The following ALDH1L2 variants were observed in gnomAD, a reference collection of about 807,000 sequenced individuals.
ALDH1L2 encodes the protein aldehyde dehydrogenase 1 family member L2, also known as mitochondrial 10-formyltetrahydrofolate dehydrogenase.
In ALDH1L2, 91 loss-of-function variants were observed where a neutral mutation model predicts 111.0. The ratio of observed to expected loss-of-function variants is 0.82; its 90% CI spans 0.69 to 0.98. The LOEUF (loss-of-function observed/expected upper bound fraction) is 0.98. Among genes scored for constraint, ALDH1L2 ranks in the 50% least tolerant of loss-of-function variants. The pLI is 0.00. For missense variants in ALDH1L2, 995 were observed against 1,126.8 expected (o/e 0.88, Z 1.67); for synonymous variants, 374 against 392.6 (o/e 0.95, Z 0.56).
At chr12:105,082,655 G>A (rs1240481685) in intron 1 of ALDH1L2, among the ~76,000 whole-genome samples, 1 of 152,166 alleles carries the variant, frequency 6.6e-6, no homozygotes, top group African/African-American at 2.4e-5. Flanking sequence ...AAAACCTCTA[G>A]AAACATCAAT....
chr12:105,031,744 T>C (rs758164814), intron 20 of ALDH1L2, 25 bp downstream of exon 20: 50 of 1,606,460 alleles, frequency 3.1e-5, no homozygotes, highest in Non-Finnish European at 4.1e-5. Context: ...GGGCACCCGG[T>C]AAACCCCCAC....
intron 1 of ALDH1L2, among the ~76,000 whole-genome samples, chr12:105,077,225 T>C (rs538788193): frequency 6.6e-6 from 1 of 152,300 alleles, no homozygotes; most frequent in South Asian, 2.1e-4. Context: ...CACACAGTCA[T>C]TTCCAAATCT....
Position 105,024,397 on chromosome 12 carries a change from C to T in ALDH1L2, c.*27G>A. ...TCCAGAGTTGTAAAGGGCTGTCTGT[C>T]AAGGCTTTCCTGATGATGGTGTTGC... On this transcript the variant is annotated 3_prime_UTR_variant, in exon 23 of 23. Coordinates refer to ENST00000258494, the MANE Select transcript of ALDH1L2 (RefSeq NM_001034173.4). 6.2e-7 allele frequency: 1 copy of T among 1,613,162 alleles called. No homozygotes were observed. Among genetic ancestry groups the T allele is most frequent in the Non-Finnish European group, 8.5e-7 (1 of 1,179,352 alleles).
At chr12:105,080,403 A>C (rs1366407555) in intron 1 of ALDH1L2, among the ~76,000 whole-genome samples, 3 of 152,096 alleles carry the variant, frequency 2.0e-5, no homozygotes, top group African/African-American at 7.2e-5. Flanking sequence ...TTGGTATATC[A>C]TTTTAGTTAG....
In ALDH1L2 at chr12:105,037,210, A is replaced by AT. The variant is rs56917349; in HGVS notation, c.2145+892dup. Among the ~76,000 whole-genome samples the AT allele has an allele frequency of 2.6e-5, 4 of 152,006 alleles. No homozygotes were observed. The East Asian group carries it at 5.8e-4, about 22-fold the overall frequency. The stretch of plus-strand genomic sequence containing the variant: ...GATGTGAAGAATGAGAACTAGGCCA[A>AT]TTTTTTTTAACCTTTACATTTTATT... On this transcript the variant is annotated intron_variant, in intron 18 of 22. Coordinates refer to ENST00000258494, the MANE Select transcript of ALDH1L2 (RefSeq NM_001034173.4).
At position 105,061,617 on chromosome 12, in the gene ALDH1L2, A is replaced by G. The variant is rs762280847; in HGVS notation, c.1047+10T>C. On this transcript the variant is annotated intron_variant, in intron 8 of 22. Coordinates refer to ENST00000258494, the MANE Select transcript of ALDH1L2 (RefSeq NM_001034173.4). The stretch of plus-strand genomic sequence containing the variant: ...AGGTAACAGTAAGATTTAAGTCATC[A>G]TGTGTTCACCTTGATGGTCTCTGCC... The G allele has an allele frequency of 1.2e-5, 20 of 1,614,000 alleles. No homozygotes were observed. Among genetic ancestry groups the G allele is most frequent in the South Asian group, 2.2e-5 (2 of 91,038 alleles).
intron 18 of ALDH1L2, among the ~76,000 whole-genome samples, chr12:105,035,472 A>ACCAC (rs1366893101): frequency 5.3e-5 from 8 of 151,556 alleles, no homozygotes; most frequent in Middle Eastern, 3.4e-3. Context: ...ACAGGTGAAC[A>ACCAC]CCACCCTGGG....
At chr12:105,068,187 A>G (rs1877487312) in intron 4 of ALDH1L2, among the ~76,000 whole-genome samples, 1 of 152,084 alleles carries the variant, frequency 6.6e-6, no homozygotes, top group East Asian at 1.9e-4. Flanking sequence ...AAATTAAATG[A>G]CATCAAAATT....
chr12:105,068,639 T>C (rs1877510222), intron 4 of ALDH1L2, 80 bp downstream of exon 4: 1 of 1,251,544 alleles, frequency 8.0e-7, no homozygotes, highest in African/African-American at 1.6e-5. Flanking sequence ...AAAATTCATA[T>C]GGATAATTTC....
chr12:105,060,208 ATAAT>A (rs1268335680), intron 9 of ALDH1L2, among the ~76,000 whole-genome samples: 1 of 152,184 alleles, frequency 6.6e-6, no homozygotes, highest in African/African-American at 2.4e-5. Flanking sequence ...GGGGGAAAGC[ATAAT>A]TAATATCAGG....
At chr12:105,083,712 G>A (rs1423984910) in intron 1 of ALDH1L2, among the ~76,000 whole-genome samples, 1 of 151,818 alleles carries the variant, frequency 6.6e-6, no homozygotes, top group Non-Finnish European at 1.5e-5. Context: ...GTCCTCTCTC[G>A]GTTCCATTTC....
At chr12:105,072,653 G>A (rs1338710540) in intron 2 of ALDH1L2, 1 of 152,206 alleles carries the variant, frequency 6.6e-6, no homozygotes, top group Non-Finnish European at 1.5e-5. Context: ...ATGGGGTGGA[G>A]GAAACTTAGA....
At chr12:105,061,195 G>C in intron 8 of ALDH1L2, 123 bp from the exon 9 acceptor site, 1 of 825,586 alleles carries the variant, frequency 1.2e-6, no homozygotes, top group South Asian at 1.6e-5. Flanking sequence ...CATACAGCTG[G>C]ATCACATTTC....
intron 13 of ALDH1L2, chr12:105,049,607 C>T (rs1444213289): frequency 5.2e-6 from 1 of 193,372 alleles, no homozygotes; most frequent in Non-Finnish European, 1.1e-5. Flanking sequence ...CAGGTGAGGA[C>T]ACACCGTTCC....
At chr12:105,025,891 A>T (rs1874383584) in intron 22 of ALDH1L2, among the ~76,000 whole-genome samples, 1 of 152,190 alleles carries the variant, frequency 6.6e-6, no homozygotes, top group Non-Finnish European at 1.5e-5. Flanking sequence ...TAATAAGATA[A>T]TAATAGTACC....
intron 1 of ALDH1L2, among the ~76,000 whole-genome samples, chr12:105,083,470 G>A (rs1197231229): frequency 6.6e-6 from 1 of 152,114 alleles, no homozygotes; most frequent in Non-Finnish European, 1.5e-5. Context: ...CCAGTTTTTG[G>A]TGCTACTCAA....
Position 105,070,791 on chromosome 12 carries a change from C to G in ALDH1L2, c.207G>C (p.Glu69Asp). ...GCTTGAACACAGGGGTCCCATCTTT[C>G]TCTGCAGCCAAAGCTGAGCATAAAA... ...GKADPLALAA[E>D]KDGTPVFKLP... The change falls in exon 3 of 23, where the codon GAG (glutamate) becomes GAC (aspartate). Residue 69 changes from glutamate (E) to aspartate (D), a missense_variant. Coordinates refer to ENST00000258494, the MANE Select transcript of ALDH1L2 (RefSeq NM_001034173.4). 1.9e-6 allele frequency: 3 copies of G among 1,612,634 alleles called. No individual in the cohort carries two copies. The South Asian group carries it at 3.3e-5, about 18-fold the overall frequency.
intron 18 of ALDH1L2, among the ~76,000 whole-genome samples, chr12:105,036,559 T>TAC (rs1875159207): frequency 2.2e-5 from 1 of 46,362 alleles, no homozygotes; most frequent in Admixed American, 2.4e-4. Flanking sequence ...TATATATATA[T>TAC]ATATATAAAA....
intron 13 of ALDH1L2, chr12:105,049,612 C>T (rs976312181): frequency 5.5e-5 from 11 of 201,526 alleles, no homozygotes; most frequent in South Asian, 3.4e-4. Context: ...GAGGACACAC[C>T]GTTCCTCTGC....
Sources: gnomAD v4.1 joint callset for allele counts (sites outside exome capture counted in the v4.1 genomes callset) on GRCh38, gnomAD v4.1.1 for gene constraint, MANE v1.5 for transcripts, NCBI Gene and HGNC (gene_info 2026-07-23, HGNC 2026-07-21) for gene names.